The following TBC1D8 variants were observed in gnomAD, a reference collection of about 807,000 sequenced individuals.
TBC1D8 encodes the protein BUB2-like protein 1.
A neutral mutation model predicts 118.8 loss-of-function variants in TBC1D8; 65 were observed. The ratio of observed to expected loss-of-function variants is 0.55; its 90% CI spans 0.45 to 0.67. The LOEUF is 0.67. Ranked by LOEUF, TBC1D8 falls within the 30% of genes least tolerant of loss-of-function variation. The pLI is 0.00. For missense variants in TBC1D8, 1,376 were observed against 1,471.2 expected (o/e 0.94, Z 1.06); for synonymous variants, 566 against 595.8 (o/e 0.95, Z 0.73).
At chr2:101,129,562 G>A (rs1423069418) in intron 1 of TBC1D8, among the ~76,000 whole-genome samples, 1 of 152,162 alleles carries the variant, frequency 6.6e-6, no homozygotes, top group East Asian at 1.9e-4. Flanking sequence ...AGGTGGGCTG[G>A]AAGAAGGCAG....
intron 1 of TBC1D8, among the ~76,000 whole-genome samples, chr2:101,104,795 A>G (rs11674692): frequency 0.15 from 22,916 of 152,194 alleles, 1,888 homozygotes; most frequent in Middle Eastern, 0.25. Context: ...GCGGGCAGAT[A>G]ACCTGAAGTG....
rs539347828 is a variant in TBC1D8, at chr2:101,032,365, G to A, written c.1839C>T (p.Ser613=). 4.6e-5 allele frequency: 75 copies of A among 1,613,784 alleles called. 1 individual carries two copies. The highest frequency in any genetic ancestry group is 3.4e-4 in the South Asian group (31 of 91,076). ...CCTCCTTGGTGTACAGCAGCAGCAC[G>A]GAGGTCAGGATGTTCATGGACTGCT... is the stretch of plus-strand genomic sequence containing the variant. ...GYCQSMNILT[S]VLLLYTKEEE... is the part of the protein sequence containing the mutation. The change falls in exon 11 of 20, where the codon TCC becomes TCT. Residue 613 remains serine (S), a synonymous_variant. Transcript: ENST00000409318.
intron 1 of TBC1D8, among the ~76,000 whole-genome samples, chr2:101,117,915 C>A (rs1677903278): frequency 6.7e-6 from 1 of 148,872 alleles, no homozygotes; most frequent in Non-Finnish European, 1.5e-5. Context: ...AAAGAGTGAC[C>A]TCCTTCTAAT....
chr2:101,129,308 T>C (rs1678484789), intron 1 of TBC1D8, among the ~76,000 whole-genome samples: 1 of 151,938 alleles, frequency 6.6e-6, no homozygotes, highest in African/African-American at 2.4e-5. Context: ...ACCTGGCTAA[T>C]GTTTTTGTAT....
At chr2:101,008,467 G>GAAAT (rs1678918271) in intron 19 of TBC1D8, among the ~76,000 whole-genome samples, 194 bp from the exon 20 acceptor site, 1 of 152,180 alleles carries the variant, frequency 6.6e-6, no homozygotes, top group Non-Finnish European at 1.5e-5. Flanking sequence ...CACAGACTTG[G>GAAAT]AAATGGGTAG....
At chr2:101,074,188 G>A (rs1279843110) in intron 2 of TBC1D8, among the ~76,000 whole-genome samples, 1 of 152,172 alleles carries the variant, frequency 6.6e-6, no homozygotes, top group Non-Finnish European at 1.5e-5. Flanking sequence ...CCTAATTTCA[G>A]TATTTTTGTG....
At chr2:101,103,826 T>C (rs1677030122) in intron 1 of TBC1D8, among the ~76,000 whole-genome samples, 1 of 152,084 alleles carries the variant, frequency 6.6e-6, no homozygotes, top group Non-Finnish European at 1.5e-5. Context: ...ATCACTCCTA[T>C]TCAACATCAG....
rs182816989 is a variant in TBC1D8, at chr2:101,036,046, C to G, written c.1575G>C (p.Leu525Phe). The G allele has an allele frequency of 1.4e-5, 23 of 1,614,006 alleles. No homozygotes were observed. Among genetic ancestry groups the G allele is most frequent in the Non-Finnish European group, 1.9e-5 (23 of 1,179,890 alleles). ...KLVAMGIPES[L>F]RGRLWLLFSD... ...AGAAGAGAAGCCAGAGTCTCCCTCG[C>G]AAAGATTCAGGGATGCCCATGGCTA... Residue 525 changes from leucine to phenylalanine, a missense_variant, in exon 9 of 20, where the codon TTG becomes TTC. Leu to Phe is a conservative substitution (Grantham distance 22). Transcript: ENST00000409318.
intron 5 of TBC1D8, 138 bp from the exon 6 acceptor site, chr2:101,040,523 G>A: frequency 1.2e-6 from 1 of 839,490 alleles, no homozygotes; most frequent in South Asian, 1.7e-5. Flanking sequence ...AGGATGGAGT[G>A]CAGTGGTGCG....
At chr2:101,092,314 T>C (rs1347963237) in intron 1 of TBC1D8, among the ~76,000 whole-genome samples, 1 of 152,224 alleles carries the variant, frequency 6.6e-6, no homozygotes, top group Non-Finnish European at 1.5e-5. Flanking sequence ...AGTGATGCTG[T>C]GTTCTTTTCA....
chr2:101,132,414 T>A (rs190860349), intron 1 of TBC1D8, among the ~76,000 whole-genome samples: 1 of 152,318 alleles, frequency 6.6e-6, no homozygotes, highest in African/African-American at 2.4e-5. Context: ...ATGATGTCTT[T>A]TATAGCACCT....
Position 101,040,752 on chromosome 2 carries a change from G to A in TBC1D8, c.873-367C>T, listed in dbSNP as rs556515469. Among the ~76,000 whole-genome samples, 58 of 152,252 alleles carry A rather than the reference G, an allele frequency of 3.8e-4. 1 individual carries two copies. The highest frequency in any genetic ancestry group is 6.5e-4 in the Non-Finnish European group (44 of 68,050). ...CCCAAAATGCTGGGATTACAGGCGT[G>A]AGCCACCGCGCCCAGCCAAGAAAAT... is the stretch of plus-strand genomic sequence containing the variant. On this transcript the variant is annotated intron_variant, in intron 5 of 19. Coordinates refer to ENST00000409318, the MANE Select transcript of TBC1D8 (RefSeq NM_001330348.2).
rs376637106 is a variant in TBC1D8 at position 101,027,364 on chromosome 2, T to C, written c.2520+19A>G. 1 of 1,611,714 alleles carries C rather than the reference T, an allele frequency of 6.2e-7. No individual in the cohort carries two copies. Among genetic ancestry groups the C allele is most frequent in the Non-Finnish European group, 8.5e-7 (1 of 1,178,102 alleles). On this transcript the variant is annotated intron_variant, in intron 15 of 19. Coordinates refer to ENST00000409318, the MANE Select transcript of TBC1D8 (RefSeq NM_001330348.2). ...CCAGCTCAGGGCCTGGAACCCCTCA[T>C]CTTCCCAGAGCTGCGTACCTTGAAT...
At chr2:101,070,904 G>T (rs1267921092) in intron 2 of TBC1D8, among the ~76,000 whole-genome samples, 3 of 152,094 alleles carry the variant, frequency 2.0e-5, no homozygotes, top group Non-Finnish European at 4.4e-5. Flanking sequence ...ACCCCAGGAG[G>T]TCAATATACA....
chr2:101,021,118 G>C (rs547665430), intron 17 of TBC1D8, among the ~76,000 whole-genome samples: 1 of 152,174 alleles, frequency 6.6e-6, no homozygotes, highest in Non-Finnish European at 1.5e-5. Flanking sequence ...CACAGCACTG[G>C]GGGGACAGAG....
At chr2:101,064,286 GAA>G (rs2105429116) in intron 2 of TBC1D8, among the ~76,000 whole-genome samples, 1 of 152,322 alleles carries the variant, frequency 6.6e-6, no homozygotes, top group Admixed American at 6.5e-5. Flanking sequence ...GACACAGAGA[GAA>G]GGCTGCTGTC....
chr2:101,036,032 CAG>C lies in TBC1D8; in HGVS notation c.1587_1588del (p.Trp530AlafsTer103). The stretch of plus-strand genomic sequence containing the variant: ...AGAGCGCTTACCTGAGAAGAGAAGC[CAG>C]AGTCTCCCTCGCAAAGATTCAGGGA... On this transcript the variant is annotated frameshift_variant, in exon 9 of 20. Coordinates refer to ENST00000409318, the MANE Select transcript of TBC1D8 (RefSeq NM_001330348.2). LOFTEE classifies it high-confidence loss of function. 1 of 1,614,006 alleles carries C rather than the reference CAG, an allele frequency of 6.2e-7. No individual in the cohort carries two copies. Among genetic ancestry groups the C allele is most frequent in the Non-Finnish European group, 8.5e-7 (1 of 1,179,884 alleles).
At chr2:101,071,300 G>A (rs1211240546) in intron 2 of TBC1D8, among the ~76,000 whole-genome samples, 2 of 152,060 alleles carry the variant, frequency 1.3e-5, no homozygotes, top group Non-Finnish European at 1.5e-5. Flanking sequence ...AGCCGAGATC[G>A]CACCACTGCA....
Position 101,037,667 on chromosome 2 carries a change from G to C in TBC1D8, c.1317C>G (p.His439Gln). 6.2e-7 allele frequency: 1 copy of C among 1,613,862 alleles called. No homozygotes were observed. The highest frequency in any genetic ancestry group is 1.1e-5 in the South Asian group (1 of 91,090). Reference protein sequence around the residue: ...VFHSTSMCSDHRFGDLEMMSS... With the variant: ...VFHSTSMCSDQRFGDLEMMSS... The stretch of plus-strand genomic sequence containing the variant: ...ACATCATTTCAAGATCCCCAAATCT[G>C]TGGTCACTGCACATGCTTGTTGAAT... The change falls in exon 8 of 20, where the codon CAC becomes CAG. Residue 439 changes from histidine to glutamine, a missense_variant. His to Gln is a conservative substitution (Grantham distance 24). Transcript: ENST00000409318.
Sources: gnomAD v4.1 joint callset for allele counts (sites outside exome capture counted in the v4.1 genomes callset) on GRCh38, gnomAD v4.1.1 for gene constraint, MANE v1.5 for transcripts, NCBI Gene and HGNC (gene_info 2026-07-23, HGNC 2026-07-21) for gene names.